NSMCE2: variants seen among roughly 807,000 people sequenced by gnomAD.
The protein encoded by NSMCE2 is NSE2 SUMO ligase component of SMC5/6 complex.
NSMCE2 carries 24 observed loss-of-function variants against 23.8 expected under a neutral mutation model. That is an observed-to-expected ratio of 1.01 (90% CI 0.73 to 1.42). NSMCE2 has a LOEUF of 1.42. Ranked by LOEUF, NSMCE2 falls within the 40% of genes most tolerant of loss-of-function variation. NSMCE2 has a pLI of 0.00. For synonymous variants in NSMCE2, 92 were observed against 94.1 expected (o/e 0.98, Z 0.13); for missense variants, 284 against 296.5 (o/e 0.96, Z 0.31).
intron 5 of NSMCE2, among the ~76,000 whole-genome samples, chr8:125,286,311 ATTTATT>A (rs956032871): frequency 1.9e-4 from 19 of 98,932 alleles, no homozygotes; most frequent in African/African-American, 5.6e-4. Flanking sequence ...AATACCTTTT[ATTTATT>A]TTTTTTTTTT....
At chr8:125,155,173 A>T (rs1821245560) in intron 4 of NSMCE2, among the ~76,000 whole-genome samples, 1 of 152,230 alleles carries the variant, frequency 6.6e-6, no homozygotes, top group African/African-American at 2.4e-5. Flanking sequence ...GTGTGCTACA[A>T]ATTAAAAATA....
chr8:125,161,302 TA>T (rs562186896), intron 4 of NSMCE2, among the ~76,000 whole-genome samples: 2 of 151,688 alleles, frequency 1.3e-5, no homozygotes, highest in Admixed American at 6.6e-5. Context: ...CTTCCTTTTT[TA>T]AAAAAAAAGT....
At chr8:125,221,202 C>T (rs1268029942) in intron 5 of NSMCE2, among the ~76,000 whole-genome samples, 1 of 152,140 alleles carries the variant, frequency 6.6e-6, no homozygotes, top group Non-Finnish European at 1.5e-5. Context: ...CTAAATGAGT[C>T]TCAGCATAGC....
At chr8:125,235,804 A>G (rs1328322742) in intron 5 of NSMCE2, among the ~76,000 whole-genome samples, 1 of 152,236 alleles carries the variant, frequency 6.6e-6, no homozygotes, top group Non-Finnish European at 1.5e-5. Context: ...TCTCTTTTCC[A>G]TTCCATTATT....
At chr8:125,329,199 G>A (rs752507705) in intron 5 of NSMCE2, among the ~76,000 whole-genome samples, 6 of 152,160 alleles carry the variant, frequency 3.9e-5, no homozygotes, top group African/African-American at 7.2e-5. Context: ...CCAGCAGCGG[G>A]CAATCCTTCC....
At chr8:125,183,634 G>GGTGTGT (rs59285361) in intron 5 of NSMCE2, among the ~76,000 whole-genome samples, 2,389 of 147,572 alleles carry the variant, frequency 0.016, 57 homozygotes, top group African/African-American at 0.052. Flanking sequence ...ATTACTCAGT[G>GGTGTGT]GTGTGTGTGT....
At chr8:125,236,000 G>A (rs776951822) in intron 5 of NSMCE2, among the ~76,000 whole-genome samples, 1 of 152,186 alleles carries the variant, frequency 6.6e-6, no homozygotes, top group Non-Finnish European at 1.5e-5. Context: ...TGGCAGTTAG[G>A]TTATTTGAAC....
chr8:125,211,926 G>A (rs777803801), intron 5 of NSMCE2, among the ~76,000 whole-genome samples: 6 of 152,090 alleles, frequency 3.9e-5, no homozygotes, highest in Non-Finnish European at 7.4e-5. Flanking sequence ...TTCCAGGAGA[G>A]TTCTAGTTTC....
At chr8:125,347,336 A>C (rs1374062697) in intron 5 of NSMCE2, among the ~76,000 whole-genome samples, 1 of 151,978 alleles carries the variant, frequency 6.6e-6, no homozygotes, top group African/African-American at 2.4e-5. Context: ...TCTTCTTATC[A>C]CACCTCCCTG....
At chr8:125,240,094 C>T (rs1825709316) in intron 5 of NSMCE2, among the ~76,000 whole-genome samples, 1 of 151,200 alleles carries the variant, frequency 6.6e-6, no homozygotes, top group Non-Finnish European at 1.5e-5. Context: ...AGTTGGGCAG[C>T]ATTAGGGCAA....
At chr8:125,303,901 T>G (rs577823447) in intron 5 of NSMCE2, among the ~76,000 whole-genome samples, 13 of 152,336 alleles carry the variant, frequency 8.5e-5, no homozygotes, top group African/African-American at 3.1e-4. Context: ...CTAAGATGCA[T>G]GTCACCTACT....
At chr8:125,191,266 G>A (rs1823331497) in intron 5 of NSMCE2, among the ~76,000 whole-genome samples, 1 of 152,156 alleles carries the variant, frequency 6.6e-6, no homozygotes, top group Non-Finnish European at 1.5e-5. Context: ...AATATAAGTT[G>A]CCTAAAATCC....
intron 5 of NSMCE2, among the ~76,000 whole-genome samples, chr8:125,185,226 C>T (rs1334941057): frequency 2.6e-5 from 4 of 152,178 alleles, no homozygotes; most frequent in African/African-American, 9.7e-5. Flanking sequence ...TGGCAGTGCA[C>T]CAGCTGTAAG....
chr8:125,294,832 T>C (rs1828260208), intron 5 of NSMCE2, among the ~76,000 whole-genome samples: 1 of 152,246 alleles, frequency 6.6e-6, no homozygotes, highest in Admixed American at 6.5e-5. Flanking sequence ...AGTACTACTA[T>C]GTGACATTTA....
At chr8:125,272,911 C>T (rs1307747997) in intron 5 of NSMCE2, among the ~76,000 whole-genome samples, 1 of 128,556 alleles carries the variant, frequency 7.8e-6, no homozygotes, top group Non-Finnish European at 1.7e-5. Flanking sequence ...CTGTGTAATA[C>T]GGTGGAAAGA....
At chr8:125,144,999 T>G (rs1335384258) in intron 3 of NSMCE2, among the ~76,000 whole-genome samples, 1 of 152,186 alleles carries the variant, frequency 6.6e-6, no homozygotes, top group Non-Finnish European at 1.5e-5. Context: ...TTTGTTTGAC[T>G]TTAGGAAAAT....
At chr8:125,342,735 C>T (rs1322065496) in intron 5 of NSMCE2, among the ~76,000 whole-genome samples, 1 of 151,998 alleles carries the variant, frequency 6.6e-6, no homozygotes, top group African/African-American at 2.4e-5. Flanking sequence ...TAACTTCAGA[C>T]AAGACCCTGA....
Position 125,102,536 on chromosome 8 carries a change from G to A in NSMCE2, c.157+49G>A, listed in dbSNP as rs778126664. ...TGTGTCTACTTTGAGGTAACACTGTGTGGTGGTATTTATCTGGGGGTGCCT... is the reference window on the plus strand; with the variant it reads ...TGTGTCTACTTTGAGGTAACACTGTATGGTGGTATTTATCTGGGGGTGCCT... On this transcript the variant is annotated intron_variant, in intron 3 of 7. Transcript: ENST00000287437. 1.1e-5 allele frequency: 16 copies of A among 1,486,742 alleles called. No homozygotes were observed. In the Admixed American group the frequency reaches 2.2e-4, roughly 20 times the overall value. 92.1% of individuals were successfully genotyped at this position (1,486,742 alleles called of 1,614,324 possible).
At chr8:125,153,497 T>C (rs982190400) in intron 4 of NSMCE2, among the ~76,000 whole-genome samples, 5 of 152,206 alleles carry the variant, frequency 3.3e-5, no homozygotes, top group African/African-American at 1.2e-4. Flanking sequence ...CTTTATGTAC[T>C]TGAAGCTAAG....
Sources: gnomAD v4.1 joint callset for allele counts (sites outside exome capture counted in the v4.1 genomes callset) on GRCh38, gnomAD v4.1.1 for gene constraint, MANE v1.5 for transcripts, NCBI Gene and HGNC (gene_info 2026-07-23, HGNC 2026-07-21) for gene names.